The following DPP6 variants were observed in gnomAD, a reference collection of about 807,000 sequenced individuals.
DPP6 encodes dipeptidyl peptidase like 6.
In DPP6, 69 loss-of-function variants were observed where a neutral mutation model predicts 122.6. The observed-to-expected ratio is 0.56, with a 90% CI of 0.46 to 0.69. The LOEUF (loss-of-function observed/expected upper bound fraction) is 0.69, where lower values mean the gene tolerates loss of function less well. DPP6 is among the 30% of genes least tolerant of loss of function. The pLI is 0.00. For synonymous variants in DPP6, 418 were observed against 433.1 expected (o/e 0.97, Z 0.43); for missense variants, 928 against 1,116.9 (o/e 0.83, Z 2.41).
At chr7:154,436,320 C>T (rs1042910861) in intron 1 of DPP6, among the ~76,000 whole-genome samples, 4 of 151,674 alleles carry the variant, frequency 2.6e-5, no homozygotes, top group Non-Finnish European at 5.9e-5. Flanking sequence ...CCCAGCTGGT[C>T]ACCACCTCCT....
At chr7:153,917,532 C>T (rs566720188) in intron 1 of DPP6, among the ~76,000 whole-genome samples, 344 of 152,266 alleles carry the variant, frequency 2.3e-3, no homozygotes, top group African/African-American at 8.1e-3. Flanking sequence ...CTTGTGAAGG[C>T]GTGGAGACTC....
chr7:154,065,654 A>G (rs1802658855), intron 1 of DPP6, among the ~76,000 whole-genome samples: 1 of 151,922 alleles, frequency 6.6e-6, no homozygotes, highest in South Asian at 2.1e-4. Flanking sequence ...TAATGGCAAA[A>G]GGCACAAATT....
chr7:154,743,909 T>C (rs1457875529), intron 8 of DPP6, among the ~76,000 whole-genome samples: 1 of 152,204 alleles, frequency 6.6e-6, no homozygotes, highest in East Asian at 1.9e-4. Flanking sequence ...ACTTTCCATA[T>C]GTATTTGGTT....
At chr7:154,248,530 A>C (rs73727903) in intron 1 of DPP6, among the ~76,000 whole-genome samples, 7,771 of 152,218 alleles carry the variant, frequency 0.051, 661 homozygotes, top group African/African-American at 0.17. Flanking sequence ...GAATATATAC[A>C]TTTGAGGGTA....
intron 5 of DPP6, among the ~76,000 whole-genome samples, chr7:154,619,605 T>C (rs2101472): frequency 0.079 from 12,013 of 152,106 alleles, 740 homozygotes; most frequent in East Asian, 0.32. Flanking sequence ...AGGTAAAAAT[T>C]TGTGAAAGAG....
intron 1 of DPP6, among the ~76,000 whole-genome samples, chr7:154,041,638 CG>C (rs1799770074): frequency 6.6e-6 from 1 of 152,084 alleles, no homozygotes; most frequent in South Asian, 2.1e-4. Context: ...GGCCTAAGCC[CG>C]GGGGATTTTA....
At chr7:154,221,251 CT>C (rs1047700130) in intron 1 of DPP6, among the ~76,000 whole-genome samples, 1 of 152,160 alleles carries the variant, frequency 6.6e-6, no homozygotes, top group African/African-American at 2.4e-5. Context: ...AGCAATTCTC[CT>C]GCCTCAGCCT....
chr7:153,954,176 C>T (rs1027543740), intron 1 of DPP6, among the ~76,000 whole-genome samples: 1 of 152,222 alleles, frequency 6.6e-6, no homozygotes, highest in African/African-American at 2.4e-5. Context: ...ACAATTAGCC[C>T]TTACAAGAAA....
At chr7:154,556,962 G>A (rs926738824) in intron 4 of DPP6, among the ~76,000 whole-genome samples, 6 of 152,198 alleles carry the variant, frequency 3.9e-5, no homozygotes, top group Non-Finnish European at 5.9e-5. Context: ...TTGGTGAGAA[G>A]GTAGACCTGC....
At chr7:154,542,185 A>T (rs1828782192) in intron 4 of DPP6, among the ~76,000 whole-genome samples, 1 of 152,184 alleles carries the variant, frequency 6.6e-6, no homozygotes, top group Non-Finnish European at 1.5e-5. Flanking sequence ...TGATCACTTT[A>T]TTGAATTAAA....
At chr7:154,260,255 T>C (rs1802925726) in intron 1 of DPP6, among the ~76,000 whole-genome samples, 1 of 152,194 alleles carries the variant, frequency 6.6e-6, no homozygotes, top group Non-Finnish European at 1.5e-5. Context: ...CCAGGTCATG[T>C]TGAGCAGGAG....
At chr7:153,753,391 C>A in the DPP6 span, among the ~76,000 whole-genome samples, 1 of 152,118 alleles carries the variant, frequency 6.6e-6, no homozygotes. Context: ...ATGCATATAG[C>A]ATTTACACCA....
At chr7:154,855,099 C>T (rs1205962947) in intron 17 of DPP6, among the ~76,000 whole-genome samples, 4 of 151,976 alleles carry the variant, frequency 2.6e-5, no homozygotes, top group South Asian at 2.1e-4. Flanking sequence ...GAGGCGGCGG[C>T]GGTGAGGCGC....
chr7:154,645,986 C>T lies in DPP6; in HGVS notation c.680+8113C>T, dbSNP rs1449241604. On this transcript the variant is annotated intron_variant, in intron 6 of 25. Coordinates refer to ENST00000377770, the MANE Select transcript of DPP6 (RefSeq NM_130797.4). ...GAGCTTGCAGTGAGCCGAGACTGTG[C>T]CACTGCACTCCAGCTCGGGCGGCAG... is the stretch of plus-strand genomic sequence containing the variant. 2.2e-5 allele frequency among the ~76,000 whole-genome samples: 3 copies of T among 136,032 alleles called. No individual in the cohort carries two copies. The Admixed American group carries it at 2.6e-4, about 12-fold the overall frequency. 89.2% of individuals were successfully genotyped at this position (136,032 alleles called of 152,430 possible).
intron 25 of DPP6, among the ~76,000 whole-genome samples, chr7:154,891,779 T>C (rs1806632105): frequency 6.6e-6 from 1 of 152,076 alleles, no homozygotes; most frequent in African/African-American, 2.4e-5. Flanking sequence ...AGAGACACGG[T>C]TTTACCGTGT....
At chr7:154,702,049 T>C (rs1226351012) in intron 7 of DPP6, among the ~76,000 whole-genome samples, 1 of 152,234 alleles carries the variant, frequency 6.6e-6, no homozygotes, top group Non-Finnish European at 1.5e-5. Flanking sequence ...TCTCACAATA[T>C]TTTGAACTTT....
At chr7:154,638,436 G>A (rs1291769778) in intron 6 of DPP6, among the ~76,000 whole-genome samples, 2 of 152,200 alleles carry the variant, frequency 1.3e-5, no homozygotes, top group Non-Finnish European at 2.9e-5. Context: ...TCAGCGGCGT[G>A]TTGTTCTTGT....
chr7:153,898,166 A>G (rs1443970313), intron 1 of DPP6, among the ~76,000 whole-genome samples: 1 of 152,180 alleles, frequency 6.6e-6, no homozygotes, highest in Non-Finnish European at 1.5e-5. Context: ...AAAACAGCTA[A>G]AAGAGTCTGG....
At chr7:154,668,128 C>T (rs984671482) in intron 6 of DPP6, among the ~76,000 whole-genome samples, 48 of 143,840 alleles carry the variant, frequency 3.3e-4, no homozygotes, top group African/African-American at 1.2e-3. Context: ...CAGCATCCTC[C>T]CTTTCCAAAG....
Sources: gnomAD v4.1 joint callset for allele counts (sites outside exome capture counted in the v4.1 genomes callset) on GRCh38, gnomAD v4.1.1 for gene constraint, MANE v1.5 for transcripts, NCBI Gene and HGNC (gene_info 2026-07-23, HGNC 2026-07-21) for gene names.